The following RARB variants were observed in gnomAD, a reference collection of about 807,000 sequenced individuals.
RARB encodes the protein HBV-activated protein.
RARB carries 17 observed loss-of-function variants against 51.9 expected under a neutral mutation model. That is an observed-to-expected ratio of 0.33 (90% CI 0.22 to 0.49). RARB has a LOEUF of 0.49. Among genes scored for constraint, RARB ranks in the 20% least tolerant of loss-of-function variants. The pLI is 0.99. For missense variants in RARB, 369 were observed against 550.8 expected (o/e 0.67, Z 3.30); for synonymous variants, 215 against 195.4 (o/e 1.10, Z -0.84).
intron 3 of RARB, among the ~76,000 whole-genome samples, chr3:25,548,300 C>G (rs1699702431): frequency 6.6e-6 from 1 of 152,072 alleles, no homozygotes. Flanking sequence ...TTATTACACT[C>G]AAATGGATAC....
intron 2 of RARB, among the ~76,000 whole-genome samples, chr3:24,980,251 G>A (rs966117521): frequency 7.2e-5 from 11 of 151,882 alleles, no homozygotes; most frequent in Non-Finnish European, 1.5e-4. Context: ...ATGTGTCTTC[G>A]GGTTGCTCTT....
chr3:25,107,781 A>T (rs1182121963), intron 3 of RARB, among the ~76,000 whole-genome samples: 2 of 152,216 alleles, frequency 1.3e-5, no homozygotes, highest in East Asian at 3.8e-4. Context: ...CTGCAGTTTG[A>T]AGTGCAACAG....
At chr3:25,525,475 C>G (rs1267211696) in intron 3 of RARB, among the ~76,000 whole-genome samples, 1 of 152,208 alleles carries the variant, frequency 6.6e-6, no homozygotes, top group Admixed American at 6.5e-5. Flanking sequence ...CCCCCCTCAG[C>G]AAACATAGCT....
At chr3:25,072,639 A>G (rs1242833005) in intron 3 of RARB, among the ~76,000 whole-genome samples, 1 of 152,128 alleles carries the variant, frequency 6.6e-6, no homozygotes, top group African/African-American at 2.4e-5. Flanking sequence ...ACTGGGTTCT[A>G]TTGTTTGTGT....
intron 3 of RARB, among the ~76,000 whole-genome samples, chr3:25,522,472 AG>A (rs1698445052): frequency 6.6e-6 from 1 of 152,178 alleles, no homozygotes; most frequent in Non-Finnish European, 1.5e-5. Flanking sequence ...TTCTTTATTT[AG>A]CAGTAAGGTT....
intron 5 of RARB, among the ~76,000 whole-genome samples, chr3:25,300,711 C>T (rs1170346193): frequency 6.6e-6 from 1 of 152,158 alleles, no homozygotes; most frequent in Non-Finnish European, 1.5e-5. Flanking sequence ...AACCACTGGT[C>T]AGGAGTGGTG....
chr3:25,024,587 A>G (rs1697703212), intron 2 of RARB, among the ~76,000 whole-genome samples: 1 of 152,208 alleles, frequency 6.6e-6, no homozygotes, highest in Non-Finnish European at 1.5e-5. Flanking sequence ...GTCTCTAAAT[A>G]TAAGAGGTAG....
chr3:25,556,951 A>G (rs1700085107), intron 3 of RARB, among the ~76,000 whole-genome samples: 2 of 152,222 alleles, frequency 1.3e-5, no homozygotes, highest in African/African-American at 4.8e-5. Flanking sequence ...AAGGGCAAGG[A>G]ATAGTTATTA....
intron 2 of RARB, among the ~76,000 whole-genome samples, chr3:24,969,592 C>G (rs1280888163): frequency 6.6e-6 from 1 of 152,046 alleles, no homozygotes; most frequent in Non-Finnish European, 1.5e-5. Flanking sequence ...TTTCACCATA[C>G]CAGAGCTTAG....
intron 3 of RARB, among the ~76,000 whole-genome samples, chr3:25,545,062 G>A (rs1161001645): frequency 2.0e-5 from 3 of 152,084 alleles, no homozygotes; most frequent in African/African-American, 4.8e-5. Flanking sequence ...TCCAGGTTCA[G>A]GTGATCCGCC....
chr3:25,395,733 A>G (rs555616098), intron 5 of RARB, among the ~76,000 whole-genome samples: 8 of 151,588 alleles, frequency 5.3e-5, no homozygotes, highest in Admixed American at 1.3e-4. Flanking sequence ...TATGCTATCT[A>G]TTTCTCTGGA....
intron 5 of RARB, chr3:25,258,999 A>G (rs1035417731): frequency 5.1e-6 from 5 of 983,668 alleles, no homozygotes; most frequent in South Asian, 9.4e-5. Context: ...GGGACAAACC[A>G]TAGTATATGG....
intron 5 of RARB, among the ~76,000 whole-genome samples, chr3:25,225,915 AGTTT>A (rs1032650144): frequency 3.9e-5 from 6 of 152,204 alleles, no homozygotes; most frequent in African/African-American, 1.4e-4. Context: ...TGCGTTGCAA[AGTTT>A]GTTTGGTCAT....
rs975768183 is a variant in RARB at position 25,597,724 on chromosome 3, G to T, written c.*1108G>T. On this transcript the variant is annotated 3_prime_UTR_variant, in exon 8 of 8. Coordinates refer to ENST00000330688, the MANE Select transcript of RARB (RefSeq NM_000965.5). ...GCAGAGTGAAAGCTGTGGTAGAGTG[G>T]TTAACAGATACAAGTGTCAGTTTCT... 1 of 152,486 alleles carries T rather than the reference G, an allele frequency of 6.6e-6. No homozygotes were observed. The highest frequency in any genetic ancestry group is 2.4e-5 in the African/African-American group (1 of 41,390). 9.4% of individuals were successfully genotyped at this position (152,486 alleles called of 1,614,324 possible). A position where few individuals can be genotyped will look rare whatever the true frequency, so the allele number is the denominator to read the frequency against.
intron 2 of RARB, among the ~76,000 whole-genome samples, chr3:24,937,485 A>G (rs1318363486): frequency 2.6e-5 from 4 of 152,156 alleles, no homozygotes; most frequent in Non-Finnish European, 4.4e-5. Context: ...CCACATGTAC[A>G]TATGTGCCAG....
At chr3:25,173,019 G>C (rs1417884668) in intron 4 of RARB, among the ~76,000 whole-genome samples, 1 of 152,172 alleles carries the variant, frequency 6.6e-6, no homozygotes. Flanking sequence ...AAGTACTCTT[G>C]TTTCGTGCCA....
intron 3 of RARB, among the ~76,000 whole-genome samples, chr3:25,111,393 C>A (rs1022930190): frequency 7.9e-5 from 12 of 152,136 alleles, no homozygotes; most frequent in African/African-American, 2.9e-4. Context: ...AACACTGTTA[C>A]CACCTGTAGC....
rs889179515 is a variant in RARB, at chr3:25,367,614, G to A, written c.179-93579G>A. Among the ~76,000 whole-genome samples, 6 of 149,318 alleles carry A rather than the reference G, an allele frequency of 4.0e-5. No individual in the cohort carries two copies. In the East Asian group the frequency reaches 9.8e-4, roughly 24 times the overall value. On this transcript the variant is annotated intron_variant, in intron 5 of 11. Coordinates refer to the RARB transcript ENST00000383772. ...GCAGATCGCTTAAGCTGAGGAGTTCGAGACCAGCCTAAGCAACATGGTAAA... is the reference window on the plus strand; with the variant it reads ...GCAGATCGCTTAAGCTGAGGAGTTCAAGACCAGCCTAAGCAACATGGTAAA...
At chr3:25,381,424 G>T (rs948151004) in intron 5 of RARB, among the ~76,000 whole-genome samples, 4 of 152,164 alleles carry the variant, frequency 2.6e-5, no homozygotes, top group African/African-American at 9.7e-5. Flanking sequence ...CCTTAGGAAA[G>T]TTACTTCTCC....
Sources: gnomAD v4.1 joint callset for allele counts (sites outside exome capture counted in the v4.1 genomes callset) on GRCh38, gnomAD v4.1.1 for gene constraint, MANE v1.5 for transcripts, NCBI Gene and HGNC (gene_info 2026-07-23, HGNC 2026-07-21) for gene names.